The following TCF12 variants were observed in gnomAD, a reference collection of about 807,000 sequenced individuals.
The protein encoded by TCF12 is transcription factor 12.
TCF12 carries 45 observed loss-of-function variants against 86.0 expected under a neutral mutation model. The ratio of observed to expected loss-of-function variants is 0.52; its 90% CI spans 0.41 to 0.67. The LOEUF is 0.67. TCF12 is among the 30% of genes least tolerant of loss of function. The pLI, the probability that TCF12 is intolerant of heterozygous loss-of-function variation, is 0.00. For synonymous variants in TCF12, 330 were observed against 299.6 expected (o/e 1.10, Z -1.05); for missense variants, 881 against 859.9 (o/e 1.02, Z -0.31).
chr15:57,073,906 T>TA (rs1226636596), intron 4 of TCF12, among the ~76,000 whole-genome samples: 1 of 151,848 alleles, frequency 6.6e-6, no homozygotes, highest in Non-Finnish European at 1.5e-5. Context: ...CCACCACCAC[T>TA]CCTGGCTAAT....
At chr15:57,109,618 ATTAT>A (rs2050356816) in intron 5 of TCF12, among the ~76,000 whole-genome samples, 2 of 152,138 alleles carry the variant, frequency 1.3e-5, no homozygotes, top group Non-Finnish European at 1.5e-5. Context: ...ATTAGTTCAG[ATTAT>A]TTATCTTAAC....
At chr15:57,124,778 C>T (rs1281330003) in intron 5 of TCF12, among the ~76,000 whole-genome samples, 2 of 151,854 alleles carry the variant, frequency 1.3e-5, no homozygotes, top group Admixed American at 6.6e-5. Flanking sequence ...CCCGGGTTCA[C>T]GCCATTCTCC....
chr15:57,069,881 GTA>G (rs370170146), intron 4 of TCF12, among the ~76,000 whole-genome samples: 6 of 152,234 alleles, frequency 3.9e-5, no homozygotes, highest in African/African-American at 1.4e-4. Context: ...AGTTTAGCAA[GTA>G]TAGTGTATTG....
intron 5 of TCF12, among the ~76,000 whole-genome samples, chr15:57,159,545 T>A (rs760539309): frequency 6.6e-6 from 1 of 152,246 alleles, no homozygotes; most frequent in African/African-American, 2.4e-5. Context: ...GATTTGCCTA[T>A]GTAAGGATTT....
chr15:57,048,867 A>G (rs1367283417), intron 3 of TCF12, among the ~76,000 whole-genome samples: 17 of 152,198 alleles, frequency 1.1e-4, no homozygotes, highest in Admixed American at 1.1e-3. Context: ...CCCATCATCA[A>G]TATCAAGATG....
intron 5 of TCF12, among the ~76,000 whole-genome samples, chr15:57,142,152 A>G (rs1192789653): frequency 1.3e-5 from 2 of 152,214 alleles, no homozygotes; most frequent in African/African-American, 4.8e-5. Context: ...GGCTATATAC[A>G]GGGGAATTGA....
chr15:57,109,135 T>G (rs1195336178), intron 5 of TCF12: 1 of 152,184 alleles, frequency 6.6e-6, no homozygotes, highest in Non-Finnish European at 1.5e-5. Flanking sequence ...TTTGCTTCAG[T>G]GTGTCAGTTA....
intron 3 of TCF12, among the ~76,000 whole-genome samples, chr15:57,059,803 C>CAA (rs10717631): frequency 5.3e-5 from 5 of 94,218 alleles, no homozygotes; most frequent in East Asian, 2.9e-4. Context: ...CTCCTCCCAC[C>CAA]AAAAAAAAAA....
upstream of TCF12, chr15:56,918,456 C>A: frequency 2.9e-6 from 1 of 341,334 alleles, no homozygotes; most frequent in South Asian, 2.1e-5. Context: ...ATGCCCCTCC[C>A]CACCGGCCCC....
chr15:57,223,303 C>G (rs1337914915), intron 8 of TCF12, among the ~76,000 whole-genome samples: 2 of 151,912 alleles, frequency 1.3e-5, no homozygotes, highest in Non-Finnish European at 2.9e-5. Flanking sequence ...AGCAAAGGGC[C>G]AAACTGAATT....
chr15:56,989,635 G>T (rs1316804547), intron 3 of TCF12, among the ~76,000 whole-genome samples: 2 of 152,216 alleles, frequency 1.3e-5, no homozygotes, highest in Non-Finnish European at 2.9e-5. Context: ...CAAGGACACA[G>T]ATTGTAATTC....
rs117086003 is a variant in TCF12, at chr15:57,160,301, C to T, written c.326-6101C>T. Reference sequence around the variant, plus strand: ...AAACACATCCTTCTTCACGTGGTGGCAGCATGGAAAAGTGCAGAGCAAAGG... The same window carrying T: ...AAACACATCCTTCTTCACGTGGTGGTAGCATGGAAAAGTGCAGAGCAAAGG... On this transcript the variant is annotated intron_variant, in intron 5 of 20. Transcript: ENST00000333725. Among the ~76,000 whole-genome samples, 201 of 152,232 alleles carry T rather than the reference C, an allele frequency of 1.3e-3. 6 individuals are homozygous for T. In the East Asian group the frequency reaches 0.038, roughly 29 times the overall value.
At chr15:56,954,428 G>T (rs1438596978) in intron 3 of TCF12, among the ~76,000 whole-genome samples, 1 of 152,076 alleles carries the variant, frequency 6.6e-6, no homozygotes, top group Non-Finnish European at 1.5e-5. Context: ...ATTCAAGATG[G>T]ATTAAAGACT....
At chr15:57,228,201 T>C (rs759396989) in intron 8 of TCF12, among the ~76,000 whole-genome samples, 2 of 152,098 alleles carry the variant, frequency 1.3e-5, no homozygotes, top group Non-Finnish European at 2.9e-5. Context: ...CAAGAAGTCT[T>C]TGATCTGAAA....
chr15:57,078,754 A>G (rs1371045026), intron 4 of TCF12, among the ~76,000 whole-genome samples: 1 of 152,222 alleles, frequency 6.6e-6, no homozygotes, highest in Non-Finnish European at 1.5e-5. Flanking sequence ...AGTATCAAAA[A>G]GCACACCTGG....
At chr15:57,250,151 G>C (rs1440876377) in intron 13 of TCF12, among the ~76,000 whole-genome samples, 1 of 151,898 alleles carries the variant, frequency 6.6e-6, no homozygotes, top group Non-Finnish European at 1.5e-5. Context: ...AAACTATTTT[G>C]GGAAATTTTT....
At chr15:57,051,687 A>G (rs1203688163) in intron 3 of TCF12, among the ~76,000 whole-genome samples, 1 of 152,190 alleles carries the variant, frequency 6.6e-6, no homozygotes, top group Admixed American at 6.6e-5. Context: ...CCACATTGCC[A>G]TGTTGACTGG....
intron 3 of TCF12, among the ~76,000 whole-genome samples, chr15:57,036,053 C>G (rs529400980): frequency 1.2e-4 from 15 of 127,146 alleles, no homozygotes; most frequent in African/African-American, 4.0e-4. Flanking sequence ...TCCCACCCCC[C>G]ACCCCCAGCT....
chr15:57,253,437 G>A lies in TCF12; in HGVS notation c.1436G>A (p.Ser479Asn). ...GSLNSNYGGSSLVASSRSASM... is the reference protein window; with the variant it reads ...GSLNSNYGGSNLVASSRSASM... ...CTCAATTCAAACTATGGAGGATCAAGCCTTGTTGCAAGCAGTCGATCAGCT... is the reference window on the plus strand; with the variant it reads ...CTCAATTCAAACTATGGAGGATCAAACCTTGTTGCAAGCAGTCGATCAGCT... The change falls in exon 16 of 21, where the codon AGC becomes AAC. Residue 479 changes from serine to asparagine, a missense_variant. Physicochemically the swap from Ser to Asn is conservative, Grantham distance 46. Transcript: ENST00000333725. The A allele has an allele frequency of 1.2e-6, 2 of 1,614,068 alleles. No individual in the cohort carries two copies. Among genetic ancestry groups the A allele is most frequent in the Non-Finnish European group, 1.7e-6 (2 of 1,179,982 alleles).
Sources: gnomAD v4.1 joint callset for allele counts (sites outside exome capture counted in the v4.1 genomes callset) on GRCh38, gnomAD v4.1.1 for gene constraint, MANE v1.5 for transcripts, NCBI Gene and HGNC (gene_info 2026-07-23, HGNC 2026-07-21) for gene names.